CDC14B: variants seen among roughly 807,000 people sequenced by gnomAD.
The protein encoded by CDC14B is dual specificity protein phosphatase CDC14B.
In CDC14B, 22 loss-of-function variants were observed where a neutral mutation model predicts 64.2. The ratio of observed to expected loss-of-function variants is 0.34; its 90% CI spans 0.24 to 0.49. CDC14B has a LOEUF of 0.49. Among genes scored for constraint, CDC14B ranks in the 20% least tolerant of loss-of-function variants. The probability of loss-of-function intolerance (pLI) is 0.99; values close to 1 mark genes in which losing one functional copy is unlikely to be tolerated. For missense variants in CDC14B, 498 were observed against 629.9 expected (o/e 0.79, Z 2.24); for synonymous variants, 191 against 215.8 (o/e 0.89, Z 1.01).
intron 1 of CDC14B, among the ~76,000 whole-genome samples, chr9:96,603,954 C>T (rs1846681210): frequency 2.0e-5 from 3 of 152,184 alleles, no homozygotes; most frequent in Admixed American, 2.0e-4. Context: ...TTGAAACATT[C>T]CCAAGAGTGC....
chr9:96,566,653 A>G, intron 1 of CDC14B: 1 of 972,826 alleles, frequency 1.0e-6, no homozygotes, highest in Non-Finnish European at 1.6e-6. Context: ...ACCCACACGC[A>G]GGAGACAAGG....
chr9:96,546,329 C>A (rs76841690), intron 5 of CDC14B, among the ~76,000 whole-genome samples: 2,074 of 151,942 alleles, frequency 0.014, 50 homozygotes, highest in African/African-American at 0.047. Context: ...CCAGTAATAT[C>A]AAGTTCAAAG....
At chr9:96,588,681 C>A (rs929230281) in intron 1 of CDC14B, among the ~76,000 whole-genome samples, 9 of 152,062 alleles carry the variant, frequency 5.9e-5, no homozygotes, top group Admixed American at 1.3e-4. Context: ...AAGACAAGGT[C>A]TTGCTATGTT....
At chr9:96,559,435 C>T (rs879697842) in intron 4 of CDC14B, among the ~76,000 whole-genome samples, 4 of 152,148 alleles carry the variant, frequency 2.6e-5, no homozygotes, top group Admixed American at 6.5e-5. Context: ...CTCCAGAAAA[C>T]GTTATCAAGG....
chr9:96,569,279 GAAAAT>G (rs543874568), intron 1 of CDC14B, among the ~76,000 whole-genome samples: 100 of 152,292 alleles, frequency 6.6e-4, no homozygotes, highest in Middle Eastern at 3.4e-3. Flanking sequence ...AGGCAACCTG[GAAAAT>G]ATCCTTCGTA....
At chr9:96,569,147 A>G (rs1844326250) in intron 1 of CDC14B, among the ~76,000 whole-genome samples, 1 of 152,216 alleles carries the variant, frequency 6.6e-6, no homozygotes, top group African/African-American at 2.4e-5. Flanking sequence ...CAGCTTTTGC[A>G]TTGTACGATG....
At chr9:96,612,604 T>C (rs1176816589) in intron 1 of CDC14B, among the ~76,000 whole-genome samples, 9 of 152,246 alleles carry the variant, frequency 5.9e-5, no homozygotes, top group Non-Finnish European at 1.2e-4. Context: ...GCTGGCCTCA[T>C]AGAATTGGCT....
chr9:96,610,992 T>G (rs2119015066), intron 1 of CDC14B, among the ~76,000 whole-genome samples: 1 of 151,114 alleles, frequency 6.6e-6, no homozygotes, highest in East Asian at 1.9e-4. Context: ...GAATGACAAC[T>G]AACAGATTAA....
At chr9:96,556,530 TAAAA>T (rs935305535) in intron 4 of CDC14B, among the ~76,000 whole-genome samples, 1 of 151,822 alleles carries the variant, frequency 6.6e-6, no homozygotes. Flanking sequence ...AAAAACTCGT[TAAAA>T]AAAACCTCAG....
Position 96,515,673 on chromosome 9 carries a change from G to C in CDC14B, c.1344-5884C>G, listed in dbSNP as rs776334703. On this transcript the variant is annotated intron_variant, in intron 12 of 13. Transcript: ENST00000375241. The surrounding 1 kb of genome is among the most constrained non-coding windows in gnomAD (Gnocchi z 4.3). ...CAGCAGCTATCTGTCAGGGGGTCCTGATGGCTACTGTGTTCTGAAACCATC... is the reference window on the plus strand; with the variant it reads ...CAGCAGCTATCTGTCAGGGGGTCCTCATGGCTACTGTGTTCTGAAACCATC... The C allele has an allele frequency of 6.9e-6, 11 of 1,588,886 alleles. No homozygotes were observed. The South Asian group carries it at 1.3e-4, about 18-fold the overall frequency.
Position 96,503,421 on chromosome 9 carries a change from A to G in CDC14B, c.*332T>C, listed in dbSNP as rs144116056. ...TCAATTCTTCTGAAGGCCAGCAACTACAATGATTGCCATCACAGGGACACA... is the reference window on the plus strand; with the variant it reads ...TCAATTCTTCTGAAGGCCAGCAACTGCAATGATTGCCATCACAGGGACACA... On this transcript the variant is annotated 3_prime_UTR_variant, in exon 14 of 14. Coordinates refer to ENST00000375241, the MANE Select transcript of CDC14B (RefSeq NM_033331.4). 1.5e-5 allele frequency: 4 copies of G among 268,866 alleles called. No homozygotes were observed. The highest frequency in any genetic ancestry group is 2.7e-5 in the Non-Finnish European group (4 of 145,620). The allele number at this position is 268,866 out of a possible 1,614,324, so 16.7% of individuals were successfully genotyped here.
chr9:96,525,592 G>A (rs1837435837), intron 9 of CDC14B, among the ~76,000 whole-genome samples: 1 of 152,228 alleles, frequency 6.6e-6, no homozygotes, highest in South Asian at 2.1e-4. Flanking sequence ...AGAGCGTGGA[G>A]CCAAAGAGGA....
chr9:96,535,273 C>T (rs1839123094), intron 7 of CDC14B, among the ~76,000 whole-genome samples: 1 of 152,088 alleles, frequency 6.6e-6, no homozygotes, highest in African/African-American at 2.4e-5. Flanking sequence ...TGCCATTGCA[C>T]TCCAGCCTGG....
intron 9 of CDC14B, among the ~76,000 whole-genome samples, chr9:96,531,848 C>A (rs1838535306): frequency 6.6e-6 from 1 of 151,864 alleles, no homozygotes. Flanking sequence ...TATCAGAAAT[C>A]TTTATTTCCT....
chr9:96,520,993 G>A (rs1836624534), intron 12 of CDC14B, among the ~76,000 whole-genome samples: 1 of 152,168 alleles, frequency 6.6e-6, no homozygotes, highest in Non-Finnish European at 1.5e-5. Context: ...AAGGCCTTAG[G>A]TGAAGACTTT....
intron 1 of CDC14B, among the ~76,000 whole-genome samples, chr9:96,603,563 T>G: frequency 6.6e-6 from 1 of 152,206 alleles, no homozygotes; most frequent in East Asian, 1.9e-4. Flanking sequence ...AAACACATTC[T>G]AAATGCTGCC....
At chr9:96,577,654 G>A (rs983856007) in intron 1 of CDC14B, among the ~76,000 whole-genome samples, 1 of 152,074 alleles carries the variant, frequency 6.6e-6, no homozygotes, top group Admixed American at 6.5e-5. Context: ...AGACCCCACC[G>A]AACTCTCCCT....
At chr9:96,529,584 C>A (rs970594932) in intron 9 of CDC14B, among the ~76,000 whole-genome samples, 1 of 151,416 alleles carries the variant, frequency 6.6e-6, no homozygotes, top group Non-Finnish European at 1.5e-5. Flanking sequence ...CTCAACCTCG[C>A]AGGTTCAAGG....
intron 1 of CDC14B, among the ~76,000 whole-genome samples, chr9:96,572,800 A>G (rs1236966863): frequency 6.6e-6 from 1 of 152,222 alleles, no homozygotes; most frequent in Non-Finnish European, 1.5e-5. Flanking sequence ...GCTGATAAAG[A>G]CTGTTCCAAC....
Sources: allele counts gnomAD v4.1 joint callset (sites outside exome capture counted in the v4.1 genomes callset), GRCh38; gene constraint gnomAD v4.1.1; non-coding constraint Gnocchi (gnomAD v3.1); transcripts MANE v1.5; gene names NCBI Gene and HGNC (gene_info 2026-07-23, HGNC 2026-07-21).